Variants in CACNB2 observed in about 807,000 individuals in gnomAD.
CACNB2 encodes the protein calcium voltage-gated channel auxiliary subunit beta 2, also known as voltage-dependent L-type calcium channel subunit beta-2.
In CACNB2, 42 loss-of-function variants were observed where a neutral mutation model predicts 73.3. That is an observed-to-expected ratio of 0.57 (90% CI 0.45 to 0.74). The LOEUF (loss-of-function observed/expected upper bound fraction) is 0.74. CACNB2 is among the 30% of genes least tolerant of loss of function. The pLI, the probability that CACNB2 is intolerant of heterozygous loss-of-function variation, is 0.00. For missense variants in CACNB2, 940 were observed against 853.0 expected (o/e 1.10, Z -1.27); for synonymous variants, 348 against 310.3 (o/e 1.12, Z -1.28).
intron 2 of CACNB2, among the ~76,000 whole-genome samples, chr10:18,335,204 A>T (rs1281969498): frequency 2.6e-5 from 4 of 151,790 alleles, no homozygotes; most frequent in Admixed American, 2.0e-4. Flanking sequence ...CTATTCTCTT[A>T]ACACTGGCAA....
intron 2 of CACNB2, among the ~76,000 whole-genome samples, chr10:18,274,763 T>C (rs972292244): frequency 6.4e-4 from 98 of 152,294 alleles, no homozygotes; most frequent in African/African-American, 2.2e-3. Flanking sequence ...TATAACCATT[T>C]AAAAATAATA....
intron 3 of CACNB2, among the ~76,000 whole-genome samples, chr10:18,420,189 C>T (rs373311064): frequency 6.6e-6 from 1 of 152,076 alleles, no homozygotes; most frequent in Non-Finnish European, 1.5e-5. Context: ...CAGCCTAATA[C>T]ACTGATGAAT....
intron 10 of CACNB2, chr10:18,533,060 T>G (rs1345755154): frequency 2.0e-5 from 3 of 152,114 alleles, no homozygotes; most frequent in African/African-American, 7.2e-5. Flanking sequence ...AGGTACTAGT[T>G]AAAATTATCT....
At chr10:18,172,939 T>TTTTTTTA (rs1554765028) in intron 2 of CACNB2, among the ~76,000 whole-genome samples, 6 of 150,282 alleles carry the variant, frequency 4.0e-5, no homozygotes, top group African/African-American at 1.5e-4. Flanking sequence ...TTTTTTTTTT[T>TTTTTTTA]AAATGGAGTT....
At chr10:18,454,872 C>T (rs78683661) in intron 3 of CACNB2, among the ~76,000 whole-genome samples, 6,224 of 151,992 alleles carry the variant, frequency 0.041, 307 homozygotes, top group South Asian at 0.12. Context: ...GACTGCCCCC[C>T]GCTACAAAAA....
At position 18,472,429 on chromosome 10, in the gene CACNB2, G is replaced by A. The variant is rs550333313; in HGVS notation, c.334-25926G>A. On this transcript the variant is annotated intron_variant, in intron 3 of 13. Coordinates refer to ENST00000324631, the MANE Select transcript of CACNB2 (RefSeq NM_201596.3). ...TTTTTGTATTTTTAGTACAGATGGGGTTTCACCATGTTGGCCAGGCTGGTC... is the reference window on the plus strand; with the variant it reads ...TTTTTGTATTTTTAGTACAGATGGGATTTCACCATGTTGGCCAGGCTGGTC... 3.0e-4 allele frequency among the ~76,000 whole-genome samples: 45 copies of A among 151,940 alleles called. 1 individual carries two copies. Among genetic ancestry groups the A allele is most frequent in the African/African-American group, 1.1e-3 (44 of 41,368 alleles).
intron 2 of CACNB2, among the ~76,000 whole-genome samples, chr10:18,354,874 A>T (rs575668688): frequency 4.6e-5 from 7 of 152,262 alleles, no homozygotes; most frequent in African/African-American, 1.7e-4. Context: ...TCTGAAGCTC[A>T]ATATTACAGG....
intron 5 of CACNB2, among the ~76,000 whole-genome samples, chr10:18,504,068 C>T (rs1331266017): frequency 6.6e-6 from 1 of 152,158 alleles, no homozygotes; most frequent in Non-Finnish European, 1.5e-5. Flanking sequence ...ATGAGAACAA[C>T]TTCAAAGGGA....
chr10:18,208,695 G>A (rs1180213074), intron 2 of CACNB2, among the ~76,000 whole-genome samples: 1 of 151,194 alleles, frequency 6.6e-6, no homozygotes, highest in Non-Finnish European at 1.5e-5. Context: ...CACCTTATTT[G>A]TTAAATTTTC....
intron 3 of CACNB2, among the ~76,000 whole-genome samples, chr10:18,447,522 A>G (rs2046794296): frequency 6.6e-6 from 1 of 152,228 alleles, no homozygotes; most frequent in Admixed American, 6.5e-5. Context: ...GAGAATTCGG[A>G]TCTTGCATTT....
intron 3 of CACNB2, among the ~76,000 whole-genome samples, chr10:18,465,805 C>A (rs2047850501): frequency 6.6e-6 from 1 of 151,930 alleles, no homozygotes; most frequent in African/African-American, 2.4e-5. Flanking sequence ...CCTCAGCCTC[C>A]CGAGTAGCTG....
intron 2 of CACNB2, among the ~76,000 whole-genome samples, chr10:18,314,532 C>T (rs1328402721): frequency 6.6e-6 from 1 of 150,748 alleles, no homozygotes; most frequent in Non-Finnish European, 1.5e-5. Context: ...GAAGGGGAAA[C>T]ATATTCAGAC....
chr10:18,387,358 G>A (rs2043278415), intron 2 of CACNB2, among the ~76,000 whole-genome samples: 1 of 152,090 alleles, frequency 6.6e-6, no homozygotes, highest in South Asian at 2.1e-4. Context: ...AATGTTTTGT[G>A]TTACAGCCTC....
At chr10:18,508,255 G>C (rs1471739055) in intron 6 of CACNB2, among the ~76,000 whole-genome samples, 1 of 152,184 alleles carries the variant, frequency 6.6e-6, no homozygotes, top group Non-Finnish European at 1.5e-5. Context: ...ATAACTTGAA[G>C]CAAGCAATTC....
At position 18,527,683 on chromosome 10, in the gene CACNB2, C is replaced by T. The variant is rs1385587140; in HGVS notation, c.1040C>T (p.Thr347Ile). ...SKHAIIERSN[T>I]RSSLAEVQSE... The stretch of plus-strand genomic sequence containing the variant: ...CACGCAATAATAGAAAGATCCAACA[C>T]AAGGTCAAGCTTAGGTAAGTCTGTG... The change falls in exon 10 of 14, where the codon ACA becomes ATA. Residue 347 changes from threonine to isoleucine, a missense_variant. Thr to Ile is a moderately conservative substitution (Grantham distance 89, BLOSUM62 -1). Transcript: ENST00000324631. The T allele has an allele frequency of 1.9e-6, 3 of 1,610,470 alleles. No homozygotes were observed. In the South Asian group the frequency reaches 3.3e-5, roughly 18 times the overall value.
intron 10 of CACNB2, chr10:18,531,799 T>G (rs1056786891): frequency 6.6e-5 from 10 of 151,964 alleles, no homozygotes; most frequent in African/African-American, 2.4e-4. Flanking sequence ...GAGGAAACAT[T>G]GTTCCTGTTG....
At chr10:18,337,303 T>C (rs949810892) in intron 2 of CACNB2, among the ~76,000 whole-genome samples, 4 of 152,110 alleles carry the variant, frequency 2.6e-5, no homozygotes, top group Admixed American at 1.3e-4. Context: ...GGTCTTTCTT[T>C]ATTGCCCAGG....
In CACNB2 at chr10:18,400,289, A is replaced by G. The variant is rs555281451; in HGVS notation, c.214-1635A>G. Among the ~76,000 whole-genome samples the G allele has an allele frequency of 7.9e-5, 12 of 152,358 alleles. No homozygotes were observed. The South Asian group carries it at 2.1e-3, about 26-fold the overall frequency. The stretch of plus-strand genomic sequence containing the variant: ...CTACCTGTGAACCTCCTTGTGGTAT[A>G]GGACACACTTAGTGGAGCAGGTAAT... On this transcript the variant is annotated intron_variant, in intron 2 of 13. Coordinates refer to ENST00000324631, the MANE Select transcript of CACNB2 (RefSeq NM_201596.3).
At chr10:18,414,483 C>CTTTTTTT (rs11384501) in intron 3 of CACNB2, among the ~76,000 whole-genome samples, 4 of 132,178 alleles carry the variant, frequency 3.0e-5, no homozygotes, top group Non-Finnish European at 3.1e-5. Context: ...TTACTACTAC[C>CTTTTTTT]TTTTTTTTTT....
Sources: allele counts gnomAD v4.1 joint callset (sites outside exome capture counted in the v4.1 genomes callset), GRCh38; gene constraint gnomAD v4.1.1; transcripts MANE v1.5; gene names NCBI Gene and HGNC (gene_info 2026-07-23, HGNC 2026-07-21).